The following SEMA6D variants were observed in gnomAD, a reference collection of about 807,000 sequenced individuals.
The protein encoded by SEMA6D is semaphorin-6D.
SEMA6D carries 35 observed loss-of-function variants against 106.6 expected under a neutral mutation model. The observed-to-expected ratio is 0.33, with a 90% CI of 0.25 to 0.44. The LOEUF is 0.44. Among genes scored for constraint, SEMA6D ranks in the 20% least tolerant of loss-of-function variants. SEMA6D has a pLI of 1.00. For missense variants in SEMA6D, 1,185 were observed against 1,345.9 expected (o/e 0.88, Z 1.87); for synonymous variants, 499 against 487.7 (o/e 1.02, Z -0.31).
At chr15:47,237,255 G>A (rs1052031507) in intron 1 of SEMA6D, among the ~76,000 whole-genome samples, 1 of 152,030 alleles carries the variant, frequency 6.6e-6, no homozygotes, top group African/African-American at 2.4e-5. Flanking sequence ...TCTATTACAG[G>A]TCTAAGAACA....
chr15:47,491,099 C>T (rs373875870), intron 3 of SEMA6D, among the ~76,000 whole-genome samples: 1 of 152,280 alleles, frequency 6.6e-6, no homozygotes, highest in South Asian at 2.1e-4. Context: ...CACATATACA[C>T]GTACGTACAT....
At chr15:47,510,742 G>A (rs1458977386) in intron 3 of SEMA6D, among the ~76,000 whole-genome samples, 2 of 152,182 alleles carry the variant, frequency 1.3e-5, no homozygotes, top group East Asian at 1.9e-4. Flanking sequence ...TCCTTGTGGA[G>A]AAGTGGGGCT....
At chr15:47,250,812 C>T (rs1369138802) in intron 1 of SEMA6D, among the ~76,000 whole-genome samples, 2 of 152,196 alleles carry the variant, frequency 1.3e-5, no homozygotes, top group Admixed American at 6.5e-5. Flanking sequence ...TGCTATTTGA[C>T]ACAGTTGTGG....
chr15:47,310,963 C>A (rs2036426825), intron 1 of SEMA6D, among the ~76,000 whole-genome samples: 1 of 152,082 alleles, frequency 6.6e-6, no homozygotes, highest in Non-Finnish European at 1.5e-5. Context: ...AAATTCTTGG[C>A]CAAAACTGAA....
At chr15:47,490,297 T>G (rs971423976) in intron 3 of SEMA6D, among the ~76,000 whole-genome samples, 1 of 152,138 alleles carries the variant, frequency 6.6e-6, no homozygotes, top group Non-Finnish European at 1.5e-5. Flanking sequence ...TAAAAGACAT[T>G]TTTGATAAGC....
At chr15:47,402,472 A>G (rs2040429448) in intron 1 of SEMA6D, among the ~76,000 whole-genome samples, 1 of 152,206 alleles carries the variant, frequency 6.6e-6, no homozygotes, top group African/African-American at 2.4e-5. Context: ...CGTAACCACA[A>G]CAGTGATTTA....
intron 1 of SEMA6D, among the ~76,000 whole-genome samples, chr15:47,328,057 C>T (rs1377030183): frequency 6.6e-6 from 1 of 152,132 alleles, no homozygotes; most frequent in Non-Finnish European, 1.5e-5. Flanking sequence ...GATGTGCTAG[C>T]TTTGAAATAT....
intron 1 of SEMA6D, among the ~76,000 whole-genome samples, chr15:47,313,621 G>T (rs1477797038): frequency 6.6e-6 from 1 of 152,132 alleles, no homozygotes; most frequent in Admixed American, 6.5e-5. Flanking sequence ...CTGGAGTGCA[G>T]TGACACCATC....
intron 3 of SEMA6D, among the ~76,000 whole-genome samples, chr15:47,547,934 A>G (rs2045572750): frequency 6.6e-6 from 1 of 152,152 alleles, no homozygotes; most frequent in Non-Finnish European, 1.5e-5. Context: ...TTAGTCCAGG[A>G]AGAGAATATT....
chr15:47,530,849 C>T (rs2044937206), intron 3 of SEMA6D, among the ~76,000 whole-genome samples: 1 of 152,100 alleles, frequency 6.6e-6, no homozygotes, highest in Admixed American at 6.5e-5. Flanking sequence ...CTCTCATAGC[C>T]TCAGTTTCCT....
chr15:47,188,676 C>A (rs1440052671), intron 1 of SEMA6D, among the ~76,000 whole-genome samples: 1 of 152,050 alleles, frequency 6.6e-6, no homozygotes, highest in Non-Finnish European at 1.5e-5. Context: ...CTTATGTATA[C>A]AATTTCTCTG....
chr15:47,317,256 C>G (rs549881654), intron 1 of SEMA6D, among the ~76,000 whole-genome samples: 74 of 152,022 alleles, frequency 4.9e-4, no homozygotes, highest in African/African-American at 1.7e-3. Flanking sequence ...GTTATGGCCC[C>G]TCTTTCATTT....
intron 1 of SEMA6D, among the ~76,000 whole-genome samples, chr15:47,206,648 G>T (rs1188761185): frequency 6.6e-6 from 1 of 151,850 alleles, no homozygotes; most frequent in Non-Finnish European, 1.5e-5. Flanking sequence ...GCACAATTAC[G>T]CAGACATAAT....
At chr15:47,257,517 T>A (rs62014034) in intron 1 of SEMA6D, among the ~76,000 whole-genome samples, 1,778 of 152,334 alleles carry the variant, frequency 0.012, 33 homozygotes, top group Admixed American at 0.012. Context: ...CTCAGTAATA[T>A]GTGTATTTAA....
chr15:47,747,825 G>A (rs971143223), intron 1 of SEMA6D, among the ~76,000 whole-genome samples: 6 of 152,206 alleles, frequency 3.9e-5, no homozygotes, highest in African/African-American at 1.4e-4. Context: ...AAGGCCATTG[G>A]CCAAAGAAAA....
intron 1 of SEMA6D, among the ~76,000 whole-genome samples, chr15:47,200,147 T>G (rs1019817423): frequency 5.3e-5 from 8 of 152,132 alleles, no homozygotes; most frequent in Admixed American, 1.3e-4. Context: ...GAAGATTATC[T>G]GTGTACTTAA....
At chr15:47,415,090 T>G (rs1309595088) in intron 2 of SEMA6D, among the ~76,000 whole-genome samples, 1 of 152,180 alleles carries the variant, frequency 6.6e-6, no homozygotes, top group Non-Finnish European at 1.5e-5. Flanking sequence ...TAATAGCACT[T>G]GTCTGATTTG....
chr15:47,678,996 G>A (rs933597447), intron 4 of SEMA6D, among the ~76,000 whole-genome samples: 4 of 152,096 alleles, frequency 2.6e-5, no homozygotes, highest in East Asian at 1.9e-4. Flanking sequence ...CTGTCCTTAC[G>A]AATGCTGGTC....
At chr15:47,740,017 A>C (rs75543668) in intron 1 of SEMA6D, among the ~76,000 whole-genome samples, 5,512 of 152,254 alleles carry the variant, frequency 0.036, 256 homozygotes, top group African/African-American at 0.11. Flanking sequence ...TAGCTTTTCC[A>C]AGATCACAAA....
Sources: allele counts gnomAD v4.1 joint callset (sites outside exome capture counted in the v4.1 genomes callset), GRCh38; gene constraint gnomAD v4.1.1; transcripts MANE v1.5; gene names NCBI Gene and HGNC (gene_info 2026-07-23, HGNC 2026-07-21).